ANKDD1A: variants seen among roughly 807,000 people sequenced by gnomAD.
The protein encoded by ANKDD1A is ankyrin repeat and death domain containing 1A.
ANKDD1A carries 59 observed loss-of-function variants against 63.5 expected under a neutral mutation model. The ratio of observed to expected loss-of-function variants is 0.93; its 90% CI spans 0.75 to 1.15. ANKDD1A has a LOEUF of 1.15. ANKDD1A is among the 50% of genes most tolerant of loss of function. The pLI is 0.00. For synonymous variants in ANKDD1A, 266 were observed against 263.9 expected, an observed-to-expected ratio of 1.01 and a Z score of -0.08; for missense variants, 632 against 656.4, an observed-to-expected ratio of 0.96 and a Z score of 0.41.
chr15:64,951,082 C>A, intron 14 of ANKDD1A: 16 of 1,200,222 alleles, frequency 1.3e-5, no homozygotes, highest in Non-Finnish European at 1.7e-5. Flanking sequence ...AGAAGATGAC[C>A]ATCATTTAAG....
intron 6 of ANKDD1A, among the ~76,000 whole-genome samples, 175 bp downstream of exon 6, chr15:64,927,174 A>G (rs1034545708): frequency 2.6e-5 from 4 of 152,248 alleles, no homozygotes; most frequent in Admixed American, 1.3e-4. Flanking sequence ...AGCGTGTGCT[A>G]TGGGCCAGCC....
intron 14 of ANKDD1A, 142 bp downstream of exon 14, chr15:64,950,114 C>T: frequency 1.4e-6 from 2 of 1,464,582 alleles, no homozygotes; most frequent in East Asian, 2.4e-5. Flanking sequence ...TAGCCCTGCC[C>T]TCTTTTCCCT....
At chr15:64,913,835 T>C (rs1487376911) in intron 1 of ANKDD1A, among the ~76,000 whole-genome samples, 1 of 152,172 alleles carries the variant, frequency 6.6e-6, no homozygotes, top group Non-Finnish European at 1.5e-5. Context: ...ACATGCAGGC[T>C]ATGGGGTCAC....
chr15:64,942,899 C>A (rs1049044075), intron 10 of ANKDD1A, among the ~76,000 whole-genome samples: 2 of 152,072 alleles, frequency 1.3e-5, no homozygotes, highest in African/African-American at 4.8e-5. Context: ...TCTTGTGTAA[C>A]AAGAGGCCTC....
At chr15:64,935,981 T>C (rs1329392935) in intron 9 of ANKDD1A, among the ~76,000 whole-genome samples, 1 of 152,244 alleles carries the variant, frequency 6.6e-6, no homozygotes, top group Non-Finnish European at 1.5e-5. Context: ...CTTTGTATGC[T>C]GGTACTACAA....
intron 12 of ANKDD1A, among the ~76,000 whole-genome samples, chr15:64,946,513 G>T (rs925124176): frequency 6.6e-6 from 1 of 152,144 alleles, no homozygotes; most frequent in Admixed American, 6.5e-5. Flanking sequence ...ATTCATCTCT[G>T]TGCTGAGTAC....
intron 6 of ANKDD1A, among the ~76,000 whole-genome samples, chr15:64,930,308 A>T (rs540374506): frequency 6.6e-6 from 1 of 152,152 alleles, no homozygotes; most frequent in East Asian, 1.9e-4. Flanking sequence ...TCAGCCAGTG[A>T]CAGAGTGTGT....
rs1263260812 is a variant in ANKDD1A at position 64,958,601 on chromosome 15, T to A, written c.*1413T>A. 3.9e-5 allele frequency: 6 copies of A among 152,222 alleles called. No individual in the cohort carries two copies. Among genetic ancestry groups the A allele is most frequent in the Non-Finnish European group, 8.8e-5 (6 of 68,040 alleles). 9.4% of individuals were successfully genotyped at this position (152,222 alleles called of 1,614,324 possible). On this transcript the variant is annotated 3_prime_UTR_variant, in exon 15 of 15. Transcript: ENST00000319580. ...TGTACCATATGGGACTGAAATCATT[T>A]ATCTGGATGAATTTTATAAAATGAA... is the stretch of plus-strand genomic sequence containing the variant.
intron 14 of ANKDD1A, among the ~76,000 whole-genome samples, chr15:64,953,808 TTC>T (rs2085360125): frequency 7.0e-6 from 1 of 143,106 alleles, no homozygotes; most frequent in African/African-American, 2.5e-5. Flanking sequence ...CTTCCTTTTT[TTC>T]TTCTTCCTTA....
At chr15:64,927,090 C>A in intron 6 of ANKDD1A, 91 bp downstream of exon 6, 1 of 1,361,958 alleles carries the variant, frequency 7.3e-7, no homozygotes, top group Non-Finnish European at 1.0e-6. Flanking sequence ...CCACGTCTGA[C>A]TCCGATTGCG....
chr15:64,951,328 CTCTTTT>C (rs1250217149), intron 14 of ANKDD1A: 6 of 693,454 alleles, frequency 8.7e-6, no homozygotes, highest in South Asian at 1.4e-4. Flanking sequence ...TTCTTCTTTC[CTCTTTT>C]TCTTTCTTCT....
In ANKDD1A at chr15:64,930,831, A is replaced by G. The variant is rs183862467; in HGVS notation, c.580A>G (p.Thr194Ala). ...GCCCTTTTTCCTGCAGGAGGGGAAC[A>G]CTGCCCTTCATCTGGCTGCTGGTCG... ...DHNVKDKEGNTALHLAAGRGH... is the reference protein window; with the variant it reads ...DHNVKDKEGNAALHLAAGRGH... Residue 194 changes from threonine (T) to alanine (A), a missense_variant, in exon 7 of 15, where the codon ACT becomes GCT. Physicochemically the swap from Thr to Ala is moderately conservative, Grantham distance 58. Transcript: ENST00000319580. 1.7e-4 allele frequency: 273 copies of G among 1,612,722 alleles called. 1 individual carries two copies. The East Asian group carries it at 3.5e-3, about 21-fold the overall frequency.
At chr15:64,940,442 A>AGATAGATT (rs1555442482) in intron 9 of ANKDD1A, among the ~76,000 whole-genome samples, 2 of 149,182 alleles carry the variant, frequency 1.3e-5, no homozygotes, top group African/African-American at 4.9e-5. Context: ...ATATATAGAT[A>AGATAGATT]TTTTTTTTGA....
chr15:64,934,949 G>A (rs959137949), intron 9 of ANKDD1A, among the ~76,000 whole-genome samples: 3 of 152,182 alleles, frequency 2.0e-5, no homozygotes, highest in South Asian at 2.1e-4. Context: ...GACTTTGGGA[G>A]TGCAGTGGTT....
intron 14 of ANKDD1A, among the ~76,000 whole-genome samples, chr15:64,954,712 T>TTCTCCTC (rs1566749680): frequency 2.2e-5 from 2 of 90,934 alleles, no homozygotes; most frequent in East Asian, 1.1e-3. Flanking sequence ...TCCTTCTTCT[T>TTCTCCTC]CTCCTTCTCC....
chr15:64,949,811 CCTCTCT>C lies in ANKDD1A; in HGVS notation c.1352-24_1352-19del, dbSNP rs748745365. 5.0e-6 allele frequency: 8 copies of C among 1,594,458 alleles called. No individual in the cohort carries two copies. In the East Asian group the frequency reaches 1.8e-4, roughly 36 times the overall value. On this transcript the variant is annotated intron_variant, in intron 13 of 14. Transcript: ENST00000319580. ...CAAGTGGCCCCATTGGCTCCTTCTCCCTCTCTCTCTCCTCCCTCACTGTTCTCAGGC... is the reference window on the plus strand; with the variant it reads ...CAAGTGGCCCCATTGGCTCCTTCTCCCTCTCCTCCCTCACTGTTCTCAGGC...
At position 64,944,677 on chromosome 15, in the gene ANKDD1A, C is replaced by A; in HGVS notation, c.1091C>A (p.Ala364Asp). ...DKQGKTALAV[A>D]VRSNHVSLVD... is the part of the protein sequence containing the mutation. ...CAGGGAAAAACCGCCCTGGCAGTGG[C>A]CGTCCGCAGCAACCATGTCAGCCTG... The change falls in exon 12 of 15, where the codon GCC (alanine) becomes GAC (aspartate). Residue 364 changes from alanine to aspartate, a missense_variant. Physicochemically the swap from Ala to Asp is moderately radical, Grantham distance 126. Transcript: ENST00000319580. 6.2e-7 allele frequency: 1 copy of A among 1,614,080 alleles called. No homozygotes were observed. Among genetic ancestry groups the A allele is most frequent in the Non-Finnish European group, 8.5e-7 (1 of 1,179,990 alleles).
chr15:64,952,519 T>TCTTCCTTGTC (rs1555366973), intron 14 of ANKDD1A, among the ~76,000 whole-genome samples: 1 of 145,040 alleles, frequency 6.9e-6, no homozygotes, highest in African/African-American at 2.6e-5. Context: ...CTTACTTTCT[T>TCTTCCTTGTC]CTTCCTTCGT....
rs1414698164 is a variant in ANKDD1A at position 64,958,062 on chromosome 15, G to GTGT, written c.*876_*878dup. The GTGT allele has an allele frequency of 2.0e-5, 3 of 152,192 alleles. No homozygotes were observed. Among genetic ancestry groups the GTGT allele is most frequent in the Non-Finnish European group, 4.4e-5 (3 of 68,036 alleles). The allele number at this position is 152,192 out of a possible 1,614,324, so 9.4% of individuals were successfully genotyped here. On this transcript the variant is annotated 3_prime_UTR_variant, in exon 15 of 15. Coordinates refer to ENST00000319580, the MANE Select transcript of ANKDD1A (RefSeq NM_182703.6). ...GTTTTAACTTTTGAAATGTGTGAGA[G>GTGT]TGTTACTTACTGAAAACTGAAAGGA...
Sources: gnomAD v4.1 joint callset for allele counts (sites outside exome capture counted in the v4.1 genomes callset) on GRCh38, gnomAD v4.1.1 for gene constraint, MANE v1.5 for transcripts, NCBI Gene and HGNC (gene_info 2026-07-23, HGNC 2026-07-21) for gene names.